SDK1: variants seen among roughly 807,000 people sequenced by gnomAD.
The protein encoded by SDK1 is protein sidekick-1.
Under a neutral mutation model 245.5 loss-of-function variants are expected in SDK1, and 157 were observed. The ratio of observed to expected loss-of-function variants is 0.64; its 90% confidence interval spans 0.56 to 0.73. SDK1 has a LOEUF of 0.73. Ranked by LOEUF, SDK1 falls within the 30% of genes least tolerant of loss-of-function variation. SDK1 has a pLI of 0.00. For synonymous variants in SDK1, 1,647 were observed against 1,278.5 expected (o/e 1.29, Z -6.15); for missense variants, 3,583 against 3,002.3 (o/e 1.19, Z -4.52).
At chr7:4,209,873 A>G (rs1334303364) in intron 37 of SDK1, 152 bp from the exon 38 acceptor site, 1 of 717,208 alleles carries the variant, frequency 1.4e-6, no homozygotes, top group Non-Finnish European at 2.1e-6. Context: ...TGAGGTGATC[A>G]ATAAATCTTT....
At position 4,084,714 on chromosome 7, in the gene SDK1, ATGTTATGTTATGTTATGT is replaced by A. The variant is rs1156449977; in HGVS notation, c.3324+5136_3324+5153del. Among the ~76,000 whole-genome samples, 663 of 120,648 alleles carry A rather than the reference ATGTTATGTTATGTTATGT, an allele frequency of 5.5e-3. 4 individuals carry two copies. The highest frequency in any genetic ancestry group is 0.011 in the African/African-American group (298 of 27,786). 79.1% of individuals were successfully genotyped at this position (120,648 alleles called of 152,430 possible). Reference sequence around the variant, plus strand: ...ATGTTATGTTATGTTATGTTATGTTATGTTATGTTATGTTATGTTGTTACTTAAATGTATATTTTATTT... The same window carrying A: ...ATGTTATGTTATGTTATGTTATGTTATGTTACTTAAATGTATATTTTATTT... On this transcript the variant is annotated intron_variant, in intron 22 of 44. Transcript: ENST00000404826.
intron 1 of SDK1, among the ~76,000 whole-genome samples, chr7:3,438,111 C>T (rs1780083119): frequency 6.6e-6 from 1 of 152,158 alleles, no homozygotes; most frequent in Non-Finnish European, 1.5e-5. Context: ...GACCTAGCCC[C>T]CTGCATCCTG....
At chr7:3,575,334 G>T (rs1039581854) in intron 1 of SDK1, among the ~76,000 whole-genome samples, 1 of 151,896 alleles carries the variant, frequency 6.6e-6, no homozygotes, top group Non-Finnish European at 1.5e-5. Context: ...CATCATGAGG[G>T]CCCCTCCCTT....
At chr7:3,569,262 G>C (rs938244674) in intron 1 of SDK1, among the ~76,000 whole-genome samples, 7 of 152,198 alleles carry the variant, frequency 4.6e-5, no homozygotes, top group Non-Finnish European at 1.0e-4. Context: ...ACGAGAACCA[G>C]AAGTAAGGCA....
intron 4 of SDK1, among the ~76,000 whole-genome samples, chr7:3,687,659 G>T (rs1784327771): frequency 6.6e-6 from 1 of 152,172 alleles, no homozygotes. Context: ...ATATGGCATT[G>T]TGGGAATGAC....
intron 35 of SDK1, 114 bp downstream of exon 35, chr7:4,178,700 C>T (rs1782411675): frequency 1.4e-6 from 1 of 729,248 alleles, no homozygotes; most frequent in East Asian, 2.5e-5. Flanking sequence ...TCTCCTTGAA[C>T]ACATTGCTGT....
rs34276127 is a variant in SDK1 at position 3,644,773 on chromosome 7, C to CAAAAAAAAAAAAAA, written c.713+2674_713+2687dup. On this transcript the variant is annotated intron_variant, in intron 4 of 44. Transcript: ENST00000404826. Reference sequence around the variant, plus strand: ...GGGTGACAGAGCAAGACCCTGTCTCCAAAAAAAAAAAAAAAAAAACAAAAA... The same window carrying CAAAAAAAAAAAAAA: ...GGGTGACAGAGCAAGACCCTGTCTCCAAAAAAAAAAAAAAAAAAAAAAAAAAAAAAAAACAAAAA... Among the ~76,000 whole-genome samples, 26 of 40,032 alleles carry CAAAAAAAAAAAAAA rather than the reference C, an allele frequency of 6.5e-4. 2 individuals carry two copies. The highest frequency in any genetic ancestry group is 1.8e-3 in the African/African-American group (18 of 10,266). 26.3% of individuals were successfully genotyped at this position (40,032 alleles called of 152,430 possible). A position where few individuals can be genotyped will look rare whatever the true frequency, so the allele number is the denominator to read the frequency against.
intron 5 of SDK1, among the ~76,000 whole-genome samples, chr7:3,874,495 G>A (rs1284557316): frequency 6.6e-6 from 1 of 152,002 alleles, no homozygotes; most frequent in East Asian, 1.9e-4. Flanking sequence ...TGAATCTGGG[G>A]CCTGAGGCTG....
intron 36 of SDK1, among the ~76,000 whole-genome samples, chr7:4,206,721 A>T (rs1784246659): frequency 6.6e-6 from 1 of 152,132 alleles, no homozygotes; most frequent in Non-Finnish European, 1.5e-5. Context: ...GCCCATAAGC[A>T]TCCGGGGTCT....
chr7:3,450,917 T>A (rs944295580), intron 1 of SDK1, among the ~76,000 whole-genome samples: 5 of 149,868 alleles, frequency 3.3e-5, no homozygotes, highest in African/African-American at 1.2e-4. Flanking sequence ...AAGAGAGGAG[T>A]TTTGCGGAAG....
At chr7:3,948,680 G>A (rs570996254) in intron 5 of SDK1, among the ~76,000 whole-genome samples, 44 of 152,310 alleles carry the variant, frequency 2.9e-4, no homozygotes, top group African/African-American at 9.6e-4. Context: ...TTGGCCCTGC[G>A]GGGCTGCGAA....
chr7:4,204,039 A>C (rs1784046675), intron 35 of SDK1, among the ~76,000 whole-genome samples: 1 of 152,160 alleles, frequency 6.6e-6, no homozygotes, highest in Non-Finnish European at 1.5e-5. Flanking sequence ...GCGGATATCC[A>C]AGTCCAGAGC....
intron 5 of SDK1, among the ~76,000 whole-genome samples, chr7:3,887,746 G>A (rs926208406): frequency 6.6e-6 from 1 of 152,166 alleles, no homozygotes; most frequent in Non-Finnish European, 1.5e-5. Context: ...CCAAGTGGGT[G>A]GGGAGTAAAT....
chr7:3,828,175 G>A (rs1218711570), intron 5 of SDK1, among the ~76,000 whole-genome samples: 2 of 152,060 alleles, frequency 1.3e-5, no homozygotes, highest in African/African-American at 2.4e-5. Context: ...CTACTCAGGA[G>A]GCTGAGGCAG....
chr7:3,920,016 T>G (rs1440887784), intron 5 of SDK1, among the ~76,000 whole-genome samples: 1 of 152,016 alleles, frequency 6.6e-6, no homozygotes, highest in Non-Finnish European at 1.5e-5. Flanking sequence ...ATTAGAACTT[T>G]CAGGATGAAA....
chr7:3,757,220 C>T (rs1453379425), intron 4 of SDK1, among the ~76,000 whole-genome samples: 1 of 152,124 alleles, frequency 6.6e-6, no homozygotes, highest in African/African-American at 2.4e-5. Flanking sequence ...CCAAAACCCC[C>T]TCCTTGGGCT....
chr7:4,263,584 G>A (rs1488955482), intron 44 of SDK1, among the ~76,000 whole-genome samples: 1 of 56,386 alleles, frequency 1.8e-5, no homozygotes, highest in Admixed American at 1.3e-4. Context: ...CCTGAGTGAG[G>A]GAGGCCGCGT....
At chr7:4,049,054 C>T (rs955887332) in intron 17 of SDK1, among the ~76,000 whole-genome samples, 1 of 152,162 alleles carries the variant, frequency 6.6e-6, no homozygotes, top group Admixed American at 6.5e-5. Context: ...GAAAGCTTTG[C>T]TTGCCGTCCG....
chr7:3,622,326 C>G (rs1390752478), intron 2 of SDK1, among the ~76,000 whole-genome samples: 1 of 151,948 alleles, frequency 6.6e-6, no homozygotes, highest in African/African-American at 2.4e-5. Flanking sequence ...ACTAAAAATA[C>G]AAAAATTAGC....
Sources: gnomAD v4.1 joint callset for allele counts (sites outside exome capture counted in the v4.1 genomes callset) on GRCh38, gnomAD v4.1.1 for gene constraint, MANE v1.5 for transcripts, NCBI Gene and HGNC (gene_info 2026-07-23, HGNC 2026-07-21) for gene names.